SPTLC1: variants seen among roughly 807,000 people sequenced by gnomAD.
SPTLC1 encodes the protein serine palmitoyltransferase 1.
SPTLC1 carries 55 observed loss-of-function variants against 68.9 expected under a neutral mutation model. The ratio of observed to expected loss-of-function variants is 0.80; its 90% confidence interval spans 0.64 to 1.00. The LOEUF is 1.00. Ranked by LOEUF, SPTLC1 falls within the 50% of genes least tolerant of loss-of-function variation. SPTLC1 has a pLI of 0.00. For missense variants in SPTLC1, 449 were observed against 573.1 expected (o/e 0.78, Z 2.21); for synonymous variants, 197 against 201.6 (o/e 0.98, Z 0.19).
At chr9:92,077,327 C>T (rs1834716617) in intron 5 of SPTLC1, among the ~76,000 whole-genome samples, 1 of 152,118 alleles carries the variant, frequency 6.6e-6, no homozygotes, top group Non-Finnish European at 1.5e-5. Context: ...ACTCCAGATA[C>T]CCAGCCATAT....
At chr9:92,093,146 T>C (rs1187593400) in intron 3 of SPTLC1, among the ~76,000 whole-genome samples, 2 of 152,226 alleles carry the variant, frequency 1.3e-5, no homozygotes, top group East Asian at 3.9e-4. Flanking sequence ...GATATATTAA[T>C]AGAAGTTAAA....
At chr9:92,062,956 C>A (rs1393450735) in intron 6 of SPTLC1, among the ~76,000 whole-genome samples, 4 of 152,042 alleles carry the variant, frequency 2.6e-5, no homozygotes, top group Non-Finnish European at 5.9e-5. Flanking sequence ...AATTTAAGCT[C>A]TTACCTCCAA....
chr9:92,115,024 A>C (rs1273333602), intron 1 of SPTLC1: 1 of 522,554 alleles, frequency 1.9e-6, no homozygotes, highest in Non-Finnish European at 3.5e-6. Flanking sequence ...TGGTTTTTGC[A>C]GACCTGTCTC....
chr9:92,098,743 T>C (rs1430769504), intron 3 of SPTLC1, among the ~76,000 whole-genome samples: 1 of 152,128 alleles, frequency 6.6e-6, no homozygotes, highest in Non-Finnish European at 1.5e-5. Context: ...CTCTGAAATC[T>C]ATCTATAATC....
intron 8 of SPTLC1, chr9:92,053,908 GT>G: frequency 1.1e-6 from 1 of 936,954 alleles, no homozygotes; most frequent in Non-Finnish European, 1.3e-6. Context: ...TTAATTTTGT[GT>G]TATGTGAATT....
intron 5 of SPTLC1, among the ~76,000 whole-genome samples, chr9:92,073,735 G>A (rs904571052): frequency 6.6e-6 from 1 of 152,220 alleles, no homozygotes; most frequent in Non-Finnish European, 1.5e-5. Flanking sequence ...CTGCCTTCAA[G>A]GTGTTCAATA....
intron 11 of SPTLC1, among the ~76,000 whole-genome samples, chr9:92,046,645 C>T (rs938263409): frequency 6.6e-6 from 1 of 152,134 alleles, no homozygotes; most frequent in Admixed American, 6.5e-5. Context: ...GCAAAGGTGG[C>T]ACTGTCATAG....
At chr9:92,110,905 A>G (rs544979865) in intron 2 of SPTLC1, 2 of 152,352 alleles carry the variant, frequency 1.3e-5, no homozygotes, top group South Asian at 4.1e-4. Flanking sequence ...CTGTTACAAT[A>G]TAACTCTCCA....
chr9:92,041,223 T>C (rs551238812), intron 12 of SPTLC1, among the ~76,000 whole-genome samples: 1 of 152,146 alleles, frequency 6.6e-6, no homozygotes, highest in Non-Finnish European at 1.5e-5. Flanking sequence ...ATGAGAGAAG[T>C]GAGAAATTAG....
At chr9:92,114,553 T>C (rs1233934001) in intron 1 of SPTLC1, among the ~76,000 whole-genome samples, 2 of 152,018 alleles carry the variant, frequency 1.3e-5, no homozygotes, top group African/African-American at 2.4e-5. Flanking sequence ...CTGACCAACA[T>C]GCAGAAACCC....
rs533945593 is a variant in SPTLC1 at position 92,097,920 on chromosome 9, G to A, written c.260+10820C>T. On this transcript the variant is annotated intron_variant, in intron 3 of 14. Transcript: ENST00000262554. ...TAGATTATATATCAATAAGGCTTCTGTCTAAAGGAAAAAAATCTAAGTTAA... is the reference window on the plus strand; with the variant it reads ...TAGATTATATATCAATAAGGCTTCTATCTAAAGGAAAAAAATCTAAGTTAA... 1.4e-4 allele frequency among the ~76,000 whole-genome samples: 21 copies of A among 152,248 alleles called. 1 individual carries two copies. The South Asian group carries it at 4.1e-3, about 30-fold the overall frequency.
intron 8 of SPTLC1, 80 bp downstream of exon 8, chr9:92,055,325 C>T (rs895886601): frequency 5.6e-6 from 9 of 1,600,130 alleles, no homozygotes; most frequent in African/African-American, 4.0e-5. Context: ...AGACGTTATA[C>T]ACTAAAAGCG....
chr9:92,032,664 CAGG>C, intron 14 of SPTLC1, 106 bp from the exon 15 acceptor site: 1 of 1,439,334 alleles, frequency 6.9e-7, no homozygotes, highest in Non-Finnish European at 9.6e-7. Context: ...ATCACGAGGT[CAGG>C]AGATCGAGAC....
chr9:92,084,663 T>C, intron 3 of SPTLC1, among the ~76,000 whole-genome samples: 1 of 152,040 alleles, frequency 6.6e-6, no homozygotes, highest in Non-Finnish European at 1.5e-5. Context: ...TTGAGGATTT[T>C]TGCATCAATG....
chr9:92,059,852 A>G (rs1564093193), intron 6 of SPTLC1, among the ~76,000 whole-genome samples: 1 of 152,222 alleles, frequency 6.6e-6, no homozygotes, highest in South Asian at 2.1e-4. Flanking sequence ...AGAGGCTGTA[A>G]CAAGGCGACA....
intron 6 of SPTLC1, among the ~76,000 whole-genome samples, chr9:92,067,033 C>T (rs1834311846): frequency 2.0e-5 from 3 of 151,774 alleles, no homozygotes; most frequent in Non-Finnish European, 4.4e-5. Context: ...TGCGGTGGCT[C>T]ACGCCTGTAA....
At chr9:92,047,564 A>G (rs746370864) in intron 10 of SPTLC1, 49 bp downstream of exon 10, 11 of 1,225,460 alleles carry the variant, frequency 9.0e-6, no homozygotes, top group Admixed American at 3.4e-5. Context: ...GAGGTGACCA[A>G]TGGAGAAATT....
chr9:92,071,469 T>A (rs969560286), intron 5 of SPTLC1, among the ~76,000 whole-genome samples: 3 of 152,188 alleles, frequency 2.0e-5, no homozygotes, highest in African/African-American at 7.2e-5. Context: ...AGAGTATAAG[T>A]GATAGCCCTT....
At chr9:92,110,610 T>C (rs1431554820) in intron 2 of SPTLC1, 1 of 152,234 alleles carries the variant, frequency 6.6e-6, no homozygotes, top group African/African-American at 2.4e-5. Flanking sequence ...TATTAGCATA[T>C]ACCATAGCAC....
Sources: allele counts gnomAD v4.1 joint callset (sites outside exome capture counted in the v4.1 genomes callset), GRCh38; gene constraint gnomAD v4.1.1; transcripts MANE v1.5; gene names NCBI Gene and HGNC (gene_info 2026-07-23, HGNC 2026-07-21).